The following TNFSF13B variants were observed in gnomAD, a reference collection of about 807,000 sequenced individuals.
TNFSF13B encodes the protein TNF superfamily member 13b.
A neutral mutation model predicts 29.1 loss-of-function variants in TNFSF13B; 8 were observed. The observed-to-expected ratio is 0.27, with a 90% CI of 0.16 to 0.50. The LOEUF (loss-of-function observed/expected upper bound fraction) is 0.50, where lower values mean the gene tolerates loss of function less well. Ranked by LOEUF, TNFSF13B falls within the 20% of genes least tolerant of loss-of-function variation. TNFSF13B has a pLI of 0.98. For missense variants in TNFSF13B, 248 were observed against 334.9 expected (o/e 0.74, Z 2.03); for synonymous variants, 125 against 130.8 (o/e 0.96, Z 0.30).
In TNFSF13B at chr13:108,296,310, A is replaced by C. The variant is rs187855213; in HGVS notation, c.482-6943A>C. Among the ~76,000 whole-genome samples, 5 of 146,164 alleles carry C rather than the reference A, an allele frequency of 3.4e-5. 1 individual carries two copies. Among genetic ancestry groups the C allele is most frequent in the Admixed American group, 1.4e-4 (2 of 14,798 alleles). ...TATAATTATTAGGTATTCTTGATAC[A>C]TTGACTCTGTTATCAATATTTAATA... is the stretch of plus-strand genomic sequence containing the variant. On this transcript the variant is annotated intron_variant, in intron 3 of 5. Transcript: ENST00000375887.
chr13:108,269,670 T>G, upstream of TNFSF13B: 1 of 476,378 alleles, frequency 2.1e-6, no homozygotes, highest in South Asian at 3.6e-5. Flanking sequence ...GGAAGACAGA[T>G]TGAGCAATCC....
chr13:108,284,196 G>A (rs1372583881), intron 2 of TNFSF13B, among the ~76,000 whole-genome samples: 1 of 152,184 alleles, frequency 6.6e-6, no homozygotes. Flanking sequence ...AGGCATGGTG[G>A]CGGGCACCTG....
chr13:108,285,110 C>G (rs1008696932), intron 2 of TNFSF13B, among the ~76,000 whole-genome samples: 1 of 152,164 alleles, frequency 6.6e-6, no homozygotes, highest in East Asian at 1.9e-4. Context: ...ATGCTCTGCT[C>G]CTATCAAAAT....
chr13:108,286,775 A>G, intron 2 of TNFSF13B, 28 bp from the exon 3 acceptor site: 1 of 1,516,948 alleles, frequency 6.6e-7, no homozygotes, highest in Non-Finnish European at 9.0e-7. Flanking sequence ...TACTCAAGTA[A>G]CTAAAATGAT....
rs578040199 is a variant in TNFSF13B, at chr13:108,308,068, G to A, written c.*1130G>A. 1 of 151,788 alleles carries A rather than the reference G, an allele frequency of 6.6e-6. No individual in the cohort carries two copies. Among genetic ancestry groups the A allele is most frequent in the East Asian group, 1.9e-4 (1 of 5,150 alleles). The allele number at this position is 151,788 out of a possible 1,614,324, so 9.4% of individuals were successfully genotyped here. ...TTATCTTTTATAACATGTTTCCTTC[G>A]CTTTGCTTGTCTTTTATGTCATCAG... On this transcript the variant is annotated 3_prime_UTR_variant, in exon 6 of 6. Transcript: ENST00000375887.
At chr13:108,276,952 A>AT (rs963512422) in intron 2 of TNFSF13B, among the ~76,000 whole-genome samples, 86 of 150,504 alleles carry the variant, frequency 5.7e-4, no homozygotes, top group African/African-American at 1.7e-3. Flanking sequence ...TTGTGGTGAT[A>AT]TTTTTTTTTT....
chr13:108,284,664 T>C (rs1481099561), intron 2 of TNFSF13B, among the ~76,000 whole-genome samples: 1 of 152,190 alleles, frequency 6.6e-6, no homozygotes, highest in Non-Finnish European at 1.5e-5. Context: ...AAAGGAAAGA[T>C]GCAAAGTTTA....
chr13:108,271,796 CTAAG>C (rs1389552449), intron 2 of TNFSF13B, among the ~76,000 whole-genome samples: 9 of 151,834 alleles, frequency 5.9e-5, no homozygotes, highest in African/African-American at 2.2e-4. Context: ...TTTCCTATTT[CTAAG>C]TATTTTTCAT....
intron 3 of TNFSF13B, among the ~76,000 whole-genome samples, chr13:108,293,566 C>G (rs778882880): frequency 2.6e-5 from 4 of 152,120 alleles, no homozygotes; most frequent in Non-Finnish European, 5.9e-5. Context: ...CACAAGATAT[C>G]TTCTCTTTTA....
At chr13:108,278,653 T>TTC (rs1566399487) in intron 2 of TNFSF13B, among the ~76,000 whole-genome samples, 1 of 2,728 alleles carries the variant, frequency 3.7e-4, no homozygotes, top group Non-Finnish European at 8.7e-4. Context: ...TCCACTTCTC[T>TTC]TTCTCCTCCT....
Position 108,308,123 on chromosome 13 carries a change from A to T in TNFSF13B, c.*1185A>T, listed in dbSNP as rs1055024065. 3.9e-5 allele frequency: 6 copies of T among 152,092 alleles called. No homozygotes were observed. The highest frequency in any genetic ancestry group is 1.2e-4 in the African/African-American group (5 of 41,430). The allele number at this position is 152,092 out of a possible 1,614,324, so 9.4% of individuals were successfully genotyped here. A position where few individuals can be genotyped will look rare whatever the true frequency, so the allele number is the denominator to read the frequency against. On this transcript the variant is annotated 3_prime_UTR_variant, in exon 6 of 6. Coordinates refer to ENST00000375887, the MANE Select transcript of TNFSF13B (RefSeq NM_006573.5). Reference sequence around the variant, plus strand: ...AACTGTTTACTTCATTTAACAGTTTACATCATTCAACAGTTTACTTCATTA... The same window carrying T: ...AACTGTTTACTTCATTTAACAGTTTTCATCATTCAACAGTTTACTTCATTA...
At chr13:108,305,044 T>A (rs1881729870) in intron 5 of TNFSF13B, among the ~76,000 whole-genome samples, 1 of 152,182 alleles carries the variant, frequency 6.6e-6, no homozygotes, top group African/African-American at 2.4e-5. Context: ...CCTCTAACAC[T>A]TACTTGCTGT....
At chr13:108,285,118 A>G (rs1881085961) in intron 2 of TNFSF13B, among the ~76,000 whole-genome samples, 1 of 152,210 alleles carries the variant, frequency 6.6e-6, no homozygotes, top group African/African-American at 2.4e-5. Context: ...CTCCTATCAA[A>G]ATATCTGAAA....
rs765696906 is a variant in TNFSF13B, at chr13:108,269,852, T to C, written c.-44T>C. 9 of 1,510,640 alleles carry C rather than the reference T, an allele frequency of 6.0e-6. No homozygotes were observed. The Admixed American group carries it at 1.4e-4, about 23-fold the overall frequency. 93.6% of individuals were successfully genotyped at this position (1,510,640 alleles called of 1,614,324 possible). ...ACAGGAAATGATCCATTCCCTGTGG[T>C]CACTTATTCTAAAGGCCCCAACCTT... On this transcript the variant is annotated 5_prime_UTR_variant, in exon 1 of 6. Transcript: ENST00000375887.
chr13:108,291,268 A>T (rs1881301183), intron 3 of TNFSF13B, among the ~76,000 whole-genome samples: 1 of 151,878 alleles, frequency 6.6e-6, no homozygotes, highest in South Asian at 2.1e-4. Context: ...GTTAAAAAGA[A>T]AAAGAAAAAT....
chr13:108,288,180 TATAAG>T (rs1392903419), intron 3 of TNFSF13B, among the ~76,000 whole-genome samples: 16 of 152,226 alleles, frequency 1.1e-4, no homozygotes, highest in African/African-American at 3.9e-4. Flanking sequence ...CATTTGTTTA[TATAAG>T]ATAACTAGTG....
Position 108,269,827 on chromosome 13 carries a change from A to G in TNFSF13B, c.-69A>G. The G allele has an allele frequency of 2.9e-6, 4 of 1,399,346 alleles. No individual in the cohort carries two copies. Among genetic ancestry groups the G allele is most frequent in the Non-Finnish European group, 3.9e-6 (4 of 1,027,526 alleles). 86.7% of individuals were successfully genotyped at this position (1,399,346 alleles called of 1,614,324 possible). A position where few individuals can be genotyped will look rare whatever the true frequency, so the allele number is the denominator to read the frequency against. On this transcript the variant is annotated 5_prime_UTR_variant, in exon 1 of 6. Coordinates refer to ENST00000375887, the MANE Select transcript of TNFSF13B (RefSeq NM_006573.5). ...CGCAGGACATCAACAAACACAGATAACAGGAAATGATCCATTCCCTGTGGT... is the reference window on the plus strand; with the variant it reads ...CGCAGGACATCAACAAACACAGATAGCAGGAAATGATCCATTCCCTGTGGT...
chr13:108,276,016 T>A (rs1356393711), intron 2 of TNFSF13B, among the ~76,000 whole-genome samples: 1 of 152,206 alleles, frequency 6.6e-6, no homozygotes, highest in Non-Finnish European at 1.5e-5. Flanking sequence ...TATTTTTGAG[T>A]CTTCTTTTTT....
intron 3 of TNFSF13B, among the ~76,000 whole-genome samples, chr13:108,292,323 T>C (rs1881341433): frequency 6.6e-6 from 1 of 152,150 alleles, no homozygotes; most frequent in Non-Finnish European, 1.5e-5. Context: ...TCTGTATGAA[T>C]GTATATCATT....
Sources: allele counts gnomAD v4.1 joint callset (sites outside exome capture counted in the v4.1 genomes callset), GRCh38; gene constraint gnomAD v4.1.1; transcripts MANE v1.5; gene names NCBI Gene and HGNC (gene_info 2026-07-23, HGNC 2026-07-21).